Variants in ATRX observed in about 807,000 individuals in gnomAD.
ATRX encodes the protein chromatin remodeler ATRX.
A neutral mutation model predicts 172.6 loss-of-function variants in ATRX; 12 were observed. The observed-to-expected ratio is 0.07, with a 90% CI of 0.04 to 0.11. The LOEUF is 0.11. ATRX is among the 10% of genes least tolerant of loss of function. The pLI, the probability that ATRX is intolerant of heterozygous loss-of-function variation, is 1.00. For missense variants in ATRX, 1,368 were observed against 1,767.4 expected, an observed-to-expected ratio of 0.77 and a Z score of 4.05; for synonymous variants, 674 against 594.7, an observed-to-expected ratio of 1.13 and a Z score of -1.94.
intron 34 of ATRX, among the ~76,000 whole-genome samples, chrX:77,520,095 G>T (rs782647838): frequency 1.8e-5 from 2 of 111,876 alleles, no homozygotes; most frequent in Non-Finnish European, 3.8e-5. Flanking sequence ...ATTTCTGGAA[G>T]CTAAAAACTA....
At chrX:77,592,271 C>T (rs1471798866) in intron 26 of ATRX, among the ~76,000 whole-genome samples, 1 of 107,844 alleles carries the variant, frequency 9.3e-6, no homozygotes, top group Non-Finnish European at 1.9e-5. Context: ...ATTAGCTGGG[C>T]GTGGTGGTGT....
At chrX:77,701,984 T>C (rs2072550520) in intron 2 of ATRX, among the ~76,000 whole-genome samples, 1 of 111,057 alleles carries the variant, frequency 9.0e-6, no homozygotes, top group Admixed American at 9.6e-5. Flanking sequence ...GAAAGTCACT[T>C]GAACCCAGGG....
chrX:77,680,474 G>A (rs2071123905), intron 9 of ATRX, among the ~76,000 whole-genome samples: 2 of 111,792 alleles, frequency 1.8e-5, no homozygotes, highest in African/African-American at 6.5e-5. Context: ...GAGGTGGAAG[G>A]ATTGCTTGAT....
chrX:77,611,686 A>C (rs2067159078), intron 22 of ATRX, among the ~76,000 whole-genome samples: 1 of 111,029 alleles, frequency 9.0e-6, no homozygotes, highest in Non-Finnish European at 1.9e-5. Context: ...GCAAGACCCC[A>C]TCTCTCTATA....
intron 1 of ATRX, among the ~76,000 whole-genome samples, chrX:77,766,367 G>A (rs1421953444): frequency 4.5e-5 from 5 of 110,331 alleles, no homozygotes; most frequent in Admixed American, 1.9e-4. Context: ...GGGCGGAGAC[G>A]CTCCTCACTT....
At chrX:77,752,679 G>T (rs782719118) in intron 1 of ATRX, among the ~76,000 whole-genome samples, 24 of 111,798 alleles carry the variant, frequency 2.1e-4, no homozygotes, top group African/African-American at 7.8e-4. Context: ...AGCATGAAGG[G>T]GTGTTGAATT....
At chrX:77,662,398 T>C (rs1243372473) in intron 12 of ATRX, among the ~76,000 whole-genome samples, 1 of 112,142 alleles carries the variant, frequency 8.9e-6, no homozygotes, top group African/African-American at 3.2e-5. Context: ...GCATATAAGC[T>C]TGCATAAATT....
intron 19 of ATRX, among the ~76,000 whole-genome samples, chrX:77,631,298 G>C (rs782101994): frequency 3.0e-4 from 33 of 110,408 alleles, no homozygotes; most frequent in Non-Finnish European, 4.2e-4. Flanking sequence ...TAAATAAATG[G>C]GTAAGAAAAG....
chrX:77,678,749 A>T (rs1189507125), intron 9 of ATRX, among the ~76,000 whole-genome samples: 1 of 110,509 alleles, frequency 9.0e-6, no homozygotes, highest in African/African-American at 3.3e-5. Flanking sequence ...TTGGCCTCCC[A>T]AAGTGCTGGG....
At chrX:77,767,586 G>A (rs781975547) in intron 1 of ATRX, among the ~76,000 whole-genome samples, 16 of 110,111 alleles carry the variant, frequency 1.5e-4, no homozygotes, top group Admixed American at 5.9e-4. Flanking sequence ...GTAGAGACAG[G>A]GTTTCACCAC....
intron 19 of ATRX, among the ~76,000 whole-genome samples, chrX:77,628,387 T>C (rs1025633777): frequency 7.1e-5 from 8 of 112,351 alleles, no homozygotes; most frequent in African/African-American, 2.3e-4. Context: ...TCAAAACAAA[T>C]GGTAAGTTAG....
At chrX:77,597,627 T>C (rs2066513948) in intron 25 of ATRX, among the ~76,000 whole-genome samples, 1 of 111,368 alleles carries the variant, frequency 9.0e-6, no homozygotes, top group Non-Finnish European at 1.9e-5. Flanking sequence ...CATTAAAAAG[T>C]GGGCAAAAGA....
At chrX:77,673,255 C>CAAAA (rs1317927221) in intron 10 of ATRX, among the ~76,000 whole-genome samples, 15 of 110,996 alleles carry the variant, frequency 1.4e-4, no homozygotes, top group African/African-American at 4.2e-4. Flanking sequence ...GATGTCTTTT[C>CAAAA]AGAGAAAGAA....
intron 15 of ATRX, 110 bp downstream of exon 15, chrX:77,652,004 G>C (rs2069268863): frequency 1.1e-5 from 9 of 815,883 alleles, no homozygotes; most frequent in Non-Finnish European, 1.6e-5. Flanking sequence ...CAGAAGTTTA[G>C]GAGGCCAAGG....
intron 1 of ATRX, among the ~76,000 whole-genome samples, chrX:77,768,212 T>C (rs1457597932): frequency 3.6e-5 from 4 of 112,203 alleles, no homozygotes; most frequent in African/African-American, 1.3e-4. Context: ...TATCGCTTAA[T>C]GGAAGATATG....
intron 30 of ATRX, among the ~76,000 whole-genome samples, chrX:77,542,049 T>C (rs1557051075): frequency 8.9e-6 from 1 of 111,845 alleles, no homozygotes; most frequent in African/African-American, 3.2e-5. Context: ...GACAACATGA[T>C]TGTATATTTA....
intron 18 of ATRX, 50 bp from the exon 19 acceptor site, chrX:77,633,434 A>G: frequency 8.7e-7 from 1 of 1,151,762 alleles, no homozygotes; most frequent in African/African-American, 1.8e-5. Context: ...AAAACATGTG[A>G]ATATTAAATA....
In ATRX at chrX:77,574,307, G is replaced by A. The variant is rs782297984; in HGVS notation, c.6269C>T (p.Thr2090Ile). 8.3e-7 allele frequency: 1 copy of A among 1,208,600 alleles called. No individual in the cohort carries two copies. Among genetic ancestry groups the A allele is most frequent in the Non-Finnish European group, 1.1e-6 (1 of 893,174 alleles). Residue 2090 changes from threonine to isoleucine, a missense_variant, in exon 28 of 35, where the codon ACT becomes ATT. Around this residue, in one of 17 missense-constraint regions of ATRX, gnomAD observed 45 missense variants for 120.2 expected, o/e 0.37. Transcript: ENST00000373344. ...NIDYYRLDGS[T>I]TAQSRKKWAE... The stretch of plus-strand genomic sequence containing the variant: ...CCACTTCTTCCTTGACTGTGCAGTA[G>A]TGGAACCATCTAAACGGTAATAGTC...
chrX:77,527,629 G>A (rs1301607225), intron 30 of ATRX, among the ~76,000 whole-genome samples: 1 of 111,525 alleles, frequency 9.0e-6, no homozygotes, highest in African/African-American at 3.3e-5. Flanking sequence ...TCCCCGCCAA[G>A]GCATAAAATC....
Sources: allele counts gnomAD v4.1 joint callset (sites outside exome capture counted in the v4.1 genomes callset), GRCh38; gene constraint gnomAD v4.1.1; regional missense constraint gnomAD v4.1.1; transcripts MANE v1.5; gene names NCBI Gene and HGNC (gene_info 2026-07-23, HGNC 2026-07-21).